The following ABL2 variants were observed in gnomAD, a reference collection of about 807,000 sequenced individuals.
ABL2 encodes the protein tyrosine-protein kinase ABL2.
In ABL2, 49 loss-of-function variants were observed where a neutral mutation model predicts 107.7. The observed-to-expected ratio is 0.45, with a 90% CI of 0.36 to 0.58. The LOEUF is 0.58. ABL2 is among the 20% of genes least tolerant of loss of function. The pLI is 0.00. For missense variants in ABL2, 1,245 were observed against 1,457.0 expected (o/e 0.85, Z 2.37); for synonymous variants, 549 against 548.6 (o/e 1.00, Z -0.01).
chr1:179,184,666 G>A (rs367969882), intron 1 of ABL2: 2 of 472,960 alleles, frequency 4.2e-6, no homozygotes, highest in Middle Eastern at 6.2e-4. Context: ...AGGGAAGGAA[G>A]GACAGTAGGG....
chr1:179,114,747 G>A (rs1654453602), intron 9 of ABL2, 131 bp downstream of exon 9: 1 of 948,696 alleles, frequency 1.1e-6, no homozygotes, highest in East Asian at 2.8e-5. Flanking sequence ...GCTGATCAAT[G>A]ATAAACTCTT....
At position 179,106,671 on chromosome 1, in the gene ABL2, A is replaced by T; in HGVS notation, c.*1047T>A. On this transcript the variant is annotated 3_prime_UTR_variant, in exon 12 of 12. Transcript: ENST00000502732. ...TAGGACCAAGCCAGCTTTTCCTCTC[A>T]GTCACATACAGGCCACTGGGTTTCA... is the stretch of plus-strand genomic sequence containing the variant. The T allele has an allele frequency of 4.3e-6, 1 of 232,120 alleles. No homozygotes were observed. The highest frequency in any genetic ancestry group is 8.5e-6 in the Non-Finnish European group (1 of 117,358). 14.4% of individuals were successfully genotyped at this position (232,120 alleles called of 1,614,324 possible).
chr1:179,151,466 T>A (rs182329800), intron 1 of ABL2, among the ~76,000 whole-genome samples: 2 of 152,336 alleles, frequency 1.3e-5, no homozygotes, highest in African/African-American at 4.8e-5. Context: ...ATATTTAATA[T>A]AATTTATACA....
intron 1 of ABL2, among the ~76,000 whole-genome samples, chr1:179,223,776 T>C (rs1008911568): frequency 4.6e-5 from 7 of 152,052 alleles, no homozygotes; most frequent in African/African-American, 1.7e-4. Flanking sequence ...TTCCTGTGCT[T>C]TCCATAGCAT....
At chr1:179,138,112 T>C (rs1272573864) in intron 1 of ABL2, among the ~76,000 whole-genome samples, 5 of 152,226 alleles carry the variant, frequency 3.3e-5, no homozygotes, top group African/African-American at 7.2e-5. Flanking sequence ...GCACACAGCA[T>C]TAAACCTCAC....
rs578174053 is a variant in ABL2, at chr1:179,136,737, TAAATAA to T, written c.158-3369_158-3364del. 2.5e-4 allele frequency among the ~76,000 whole-genome samples: 35 copies of T among 142,792 alleles called. No individual in the cohort carries two copies. In the South Asian group the frequency reaches 5.5e-3, roughly 22 times the overall value. The allele number at this position is 142,792 out of a possible 152,430, so 93.7% of individuals were successfully genotyped here. Reference sequence around the variant, plus strand: ...ATAAATAAATAAATAAATAAATAAATAAATAAAAATAAAAATAAAAATACAAAAATT... The same window carrying T: ...ATAAATAAATAAATAAATAAATAAATAAATAAAAATAAAAATACAAAAATT... On this transcript the variant is annotated intron_variant, in intron 1 of 11. Transcript: ENST00000502732.
At chr1:179,112,457 G>T in intron 9 of ABL2, 59 bp from the exon 10 acceptor site, 4 of 1,369,488 alleles carry the variant, frequency 2.9e-6, no homozygotes, top group Non-Finnish European at 3.1e-6. Context: ...ATCCAGTGGT[G>T]TATCTAATAA....
chr1:179,153,970 C>T (rs1658529491), intron 1 of ABL2, among the ~76,000 whole-genome samples: 1 of 152,108 alleles, frequency 6.6e-6, no homozygotes, highest in Admixed American at 6.6e-5. Context: ...ATGGCATATC[C>T]AGGCATCCAA....
At chr1:179,224,155 A>AAAAAAAT (rs1663058479) in intron 1 of ABL2, among the ~76,000 whole-genome samples, 1 of 150,048 alleles carries the variant, frequency 6.7e-6, no homozygotes, top group African/African-American at 2.4e-5. Flanking sequence ...AAAAAAAAAA[A>AAAAAAAT]AAACTACAGA....
Position 179,108,748 on chromosome 1 carries a change from C to T in ABL2, c.2519G>A (p.Ser840Asn), listed in dbSNP as rs2102577306. The part of the protein sequence containing the change: ...NDMLPKKSEE[S>N]AAPSRERPKA... ...TGGTCTCTCCCTGCTTGGAGCAGCA[C>T]TTTCCTCTGATTTTTTTGGAAGCAT... Residue 840 changes from serine to asparagine, a missense_variant, in exon 12 of 12, where the codon AGT becomes AAT. Around this residue, in one of 3 missense-constraint regions of ABL2, gnomAD observed 761 missense variants for 766.4 expected, o/e 0.99. Coordinates refer to ENST00000502732, the MANE Select transcript of ABL2 (RefSeq NM_007314.4). The T allele has an allele frequency of 1.2e-6, 2 of 1,614,228 alleles. No homozygotes were observed. Among genetic ancestry groups the T allele is most frequent in the Non-Finnish European group, 1.7e-6 (2 of 1,180,044 alleles).
At chr1:179,156,479 C>T (rs1658697337) in intron 1 of ABL2, among the ~76,000 whole-genome samples, 1 of 152,236 alleles carries the variant, frequency 6.6e-6, no homozygotes, top group Non-Finnish European at 1.5e-5. Context: ...GATTCAGTCC[C>T]TGTGCTTTCA....
chr1:179,210,375 G>A (rs1167904590), intron 1 of ABL2, among the ~76,000 whole-genome samples: 1 of 151,294 alleles, frequency 6.6e-6, no homozygotes, highest in Admixed American at 6.6e-5. Flanking sequence ...GCGTGGTGGT[G>A]CACACCTGTA....
chr1:179,123,980 G>A (rs536703775), intron 4 of ABL2, among the ~76,000 whole-genome samples: 10 of 151,884 alleles, frequency 6.6e-5, no homozygotes, highest in South Asian at 6.3e-4. Context: ...AGTGGCTCAC[G>A]CCTGTAATCC....
At chr1:179,122,587 A>AAT (rs1385202594) in intron 4 of ABL2, among the ~76,000 whole-genome samples, 2 of 151,718 alleles carry the variant, frequency 1.3e-5, no homozygotes, top group East Asian at 1.9e-4. Context: ...TTGGTCTTCA[A>AAT]ATATATATAT....
At chr1:179,210,244 G>A (rs1173978527) in intron 1 of ABL2, among the ~76,000 whole-genome samples, 3 of 152,188 alleles carry the variant, frequency 2.0e-5, no homozygotes, top group Non-Finnish European at 4.4e-5. Context: ...GGTGGCTCAT[G>A]CCTATAATCC....
chr1:179,155,591 C>T (rs556034747), intron 1 of ABL2, among the ~76,000 whole-genome samples: 85 of 151,916 alleles, frequency 5.6e-4, no homozygotes, highest in African/African-American at 1.8e-3. Flanking sequence ...ATTAGCCAGG[C>T]GTGGTGGCAT....
chr1:179,196,073 T>C (rs1303520069), intron 1 of ABL2, among the ~76,000 whole-genome samples: 2 of 152,196 alleles, frequency 1.3e-5, no homozygotes, highest in African/African-American at 2.4e-5. Context: ...ACGGATCACT[T>C]GAGGCCAGGA....
At chr1:179,229,167 T>TCCCCCCCCCCCCC in intron 1 of ABL2, 74 bp downstream of exon 1, 1 of 402,572 alleles carries the variant, frequency 2.5e-6, no homozygotes, top group East Asian at 6.5e-5. Context: ...GGGCAGCCCG[T>TCCCCCCCCCCCCC]CCGCCACCCA....
intron 1 of ABL2, among the ~76,000 whole-genome samples, chr1:179,185,690 T>G (rs1408316292): frequency 6.6e-6 from 1 of 152,152 alleles, no homozygotes; most frequent in East Asian, 1.9e-4. Flanking sequence ...AAAGTAGCAT[T>G]ATATTGTTTT....
Sources: gnomAD v4.1 joint callset for allele counts (sites outside exome capture counted in the v4.1 genomes callset) on GRCh38, gnomAD v4.1.1 for gene constraint, gnomAD v4.1.1 regional missense constraint, MANE v1.5 for transcripts, NCBI Gene and HGNC (gene_info 2026-07-23, HGNC 2026-07-21) for gene names.